The following HIVEP1 variants were observed in gnomAD, a reference collection of about 807,000 sequenced individuals.
HIVEP1 encodes the protein HIVEP zinc finger 1, also known as zinc finger protein 40.
Under a neutral mutation model 180.0 loss-of-function variants are expected in HIVEP1, and 36 were observed. The observed-to-expected ratio is 0.20, with a 90% confidence interval of 0.15 to 0.26. HIVEP1 has a LOEUF of 0.26. HIVEP1 is among the 10% of genes least tolerant of loss of function. The pLI, the probability that HIVEP1 is intolerant of heterozygous loss-of-function variation, is 1.00. For synonymous variants in HIVEP1, 1,239 were observed against 1,239.0 expected (o/e 1.00, Z 0.00); for missense variants, 3,143 against 3,268.7 (o/e 0.96, Z 0.94).
intron 7 of HIVEP1, among the ~76,000 whole-genome samples, chr6:12,157,291 T>C (rs1187659345): frequency 6.6e-6 from 1 of 152,196 alleles, no homozygotes. Flanking sequence ...TTAATTTATG[T>C]GTTAGACCAC....
At chr6:12,030,474 T>G (rs1387342428) in intron 2 of HIVEP1, among the ~76,000 whole-genome samples, 1 of 152,208 alleles carries the variant, frequency 6.6e-6, no homozygotes, top group African/African-American at 2.4e-5. Context: ...AATTTTTTTC[T>G]GTTCCTCAGA....
At chr6:12,070,497 G>A (rs1237677747) in intron 2 of HIVEP1, among the ~76,000 whole-genome samples, 1 of 152,100 alleles carries the variant, frequency 6.6e-6, no homozygotes, top group African/African-American at 2.4e-5. Context: ...AGACCAGTGC[G>A]TGGCCAACAT....
At chr6:12,172,575 A>G in the HIVEP1 span, among the ~76,000 whole-genome samples, 1 of 152,184 alleles carries the variant, frequency 6.6e-6, no homozygotes, top group Non-Finnish European at 1.5e-5. Context: ...AACTAACAAG[A>G]TATTAGATTT....
chr6:12,090,107 A>T (rs114491799), intron 3 of HIVEP1, among the ~76,000 whole-genome samples: 1 of 152,304 alleles, frequency 6.6e-6, no homozygotes, highest in African/African-American at 2.4e-5. Flanking sequence ...ATAAAAAAAT[A>T]GATGTGATGC....
At chr6:12,030,360 T>G (rs767623775) in intron 2 of HIVEP1, among the ~76,000 whole-genome samples, 18 of 152,236 alleles carry the variant, frequency 1.2e-4, no homozygotes, top group Non-Finnish European at 2.2e-4. Context: ...TTTTTGGCCA[T>G]TATTTCTTCA....
At chr6:12,008,631 T>G (rs943749861), upstream of HIVEP1, 1 of 151,936 alleles carries the variant, frequency 6.6e-6, no homozygotes, top group Non-Finnish European at 1.5e-5. Context: ...AAGATCTGTC[T>G]ATCTTCTCGG....
chr6:12,042,974 C>G (rs1369525031), intron 2 of HIVEP1, among the ~76,000 whole-genome samples: 2 of 152,120 alleles, frequency 1.3e-5, no homozygotes, highest in Non-Finnish European at 2.9e-5. Flanking sequence ...TTTCCCCCTA[C>G]AAATAAAGCC....
chr6:12,094,647 G>A (rs1773683584), intron 3 of HIVEP1, among the ~76,000 whole-genome samples: 1 of 151,712 alleles, frequency 6.6e-6, no homozygotes, highest in Non-Finnish European at 1.5e-5. Flanking sequence ...AACCAATTTG[G>A]TCATGATGTT....
At chr6:12,199,957 G>A in the HIVEP1 span, among the ~76,000 whole-genome samples, 1 of 152,166 alleles carries the variant, frequency 6.6e-6, no homozygotes, top group South Asian at 2.1e-4. Flanking sequence ...AGAGAAGATG[G>A]ACCAAGTTGG....
intron 2 of HIVEP1, among the ~76,000 whole-genome samples, chr6:12,028,730 T>A (rs1048511516): frequency 3.9e-5 from 6 of 152,236 alleles, no homozygotes; most frequent in African/African-American, 1.4e-4. Flanking sequence ...TTACATGCAA[T>A]AAAATTCACC....
chr6:12,094,138 T>C (rs1773652077), intron 3 of HIVEP1, among the ~76,000 whole-genome samples: 1 of 152,022 alleles, frequency 6.6e-6, no homozygotes, highest in Non-Finnish European at 1.5e-5. Context: ...ATTTTTTCTT[T>C]TGTAAAATTG....
chr6:12,133,241 T>C lies in HIVEP1; in HGVS notation c.6385+2299T>C, dbSNP rs192874567. On this transcript the variant is annotated intron_variant, in intron 6 of 8. Coordinates refer to ENST00000379388, the MANE Select transcript of HIVEP1 (RefSeq NM_002114.4). ...CAAAATAATTTTAATTGATTTGTTT[T>C]CATGATTCTACGTTAAAGGTCAGTC... is the stretch of plus-strand genomic sequence containing the variant. Among the ~76,000 whole-genome samples the C allele has an allele frequency of 5.1e-4, 77 of 152,326 alleles. 1 individual carries two copies. Among genetic ancestry groups the C allele is most frequent in the Admixed American group, 1.9e-3 (29 of 15,300 alleles).
chr6:12,055,530 A>C (rs1380950505), intron 2 of HIVEP1, among the ~76,000 whole-genome samples: 3 of 152,230 alleles, frequency 2.0e-5, no homozygotes, highest in Non-Finnish European at 4.4e-5. Context: ...TAAAATAGAA[A>C]ACCACAATGC....
intron 8 of HIVEP1, 96 bp downstream of exon 8, chr6:12,162,025 AT>A: frequency 8.7e-6 from 10 of 1,154,032 alleles, no homozygotes; most frequent in Non-Finnish European, 1.2e-5. Flanking sequence ...CACTTAAGTG[AT>A]TTTTTTAGGC....
At chr6:12,097,929 C>A (rs992474474) in intron 3 of HIVEP1, among the ~76,000 whole-genome samples, 1 of 152,140 alleles carries the variant, frequency 6.6e-6, no homozygotes, top group Non-Finnish European at 1.5e-5. Context: ...AACAGTGTTA[C>A]TTATCATGGT....
downstream of HIVEP1, among the ~76,000 whole-genome samples, chr6:12,169,139 G>A (rs893832691): frequency 5.3e-5 from 8 of 152,060 alleles, no homozygotes; most frequent in Non-Finnish European, 1.0e-4. Context: ...CGCCTGCCTC[G>A]GCCTCCCAAA....
the HIVEP1 span, among the ~76,000 whole-genome samples, chr6:12,176,948 TGTG>T: frequency 2.0e-4 from 30 of 152,326 alleles, no homozygotes; most frequent in African/African-American, 6.5e-4. Flanking sequence ...ATAAAGCAAA[TGTG>T]GTACATATAC....
the HIVEP1 span, among the ~76,000 whole-genome samples, chr6:12,187,912 C>T: frequency 6.6e-6 from 1 of 152,024 alleles, no homozygotes. Flanking sequence ...TATAAATAAC[C>T]CTGTCTTAGG....
At chr6:12,082,202 C>G (rs528974176) in intron 2 of HIVEP1, among the ~76,000 whole-genome samples, 2 of 152,204 alleles carry the variant, frequency 1.3e-5, no homozygotes, top group African/African-American at 4.8e-5. Context: ...TGTATACAGT[C>G]TGGGGTGTCA....
Sources: gnomAD v4.1 joint callset for allele counts (sites outside exome capture counted in the v4.1 genomes callset) on GRCh38, gnomAD v4.1.1 for gene constraint, MANE v1.5 for transcripts, NCBI Gene and HGNC (gene_info 2026-07-23, HGNC 2026-07-21) for gene names.